The following GRIK2 variants were observed in gnomAD, a reference collection of about 807,000 sequenced individuals.
GRIK2 encodes glutamate ionotropic receptor kainate type subunit 2.
GRIK2 carries 32 observed loss-of-function variants against 100.3 expected under a neutral mutation model. The observed-to-expected ratio is 0.32, with a 90% CI of 0.24 to 0.43. The LOEUF (loss-of-function observed/expected upper bound fraction) is 0.43. Ranked by LOEUF, GRIK2 falls within the 20% of genes least tolerant of loss-of-function variation. The pLI, the probability that GRIK2 is intolerant of heterozygous loss-of-function variation, is 1.00. For synonymous variants in GRIK2, 417 were observed against 389.4 expected (o/e 1.07, Z -0.83); for missense variants, 843 against 1,114.9 (o/e 0.76, Z 3.47).
intron 9 of GRIK2, among the ~76,000 whole-genome samples, chr6:101,812,789 C>A (rs1008984339): frequency 5.3e-5 from 8 of 151,748 alleles, no homozygotes; most frequent in African/African-American, 1.9e-4. Flanking sequence ...ATTGTTTTAC[C>A]TATATTTTGA....
intron 3 of GRIK2, among the ~76,000 whole-genome samples, chr6:101,624,611 G>A (rs1474099364): frequency 1.3e-5 from 2 of 152,146 alleles, no homozygotes; most frequent in African/African-American, 4.8e-5. Flanking sequence ...CATTTTGGAG[G>A]AATTGAGTCT....
intron 4 of GRIK2, among the ~76,000 whole-genome samples, chr6:101,656,814 G>A (rs562901166): frequency 6.6e-6 from 1 of 152,154 alleles, no homozygotes; most frequent in Non-Finnish European, 1.5e-5. Context: ...TAAAAGCAGA[G>A]GCTTGCAGAG....
chr6:101,721,101 A>T (rs911593214), intron 7 of GRIK2, among the ~76,000 whole-genome samples: 2 of 152,000 alleles, frequency 1.3e-5, no homozygotes, highest in African/African-American at 2.4e-5. Flanking sequence ...ATTTTTAATA[A>T]TTTTTACAAT....
intron 7 of GRIK2, among the ~76,000 whole-genome samples, chr6:101,703,549 G>A (rs1265960067): frequency 6.6e-6 from 1 of 151,746 alleles, no homozygotes; most frequent in Non-Finnish European, 1.5e-5. Context: ...ACTGTATTGA[G>A]GGAATGTGAG....
rs1215302196 is a variant in GRIK2 at position 101,419,867 on chromosome 6, G to A, written c.115+20475G>A. ...CACTGTCAGAACCAAAGCAGGTGTT[G>A]CATGCTGTAACAAAAATGTTTTCCT... On this transcript the variant is annotated intron_variant, in intron 2 of 16. Coordinates refer to ENST00000369134, the MANE Select transcript of GRIK2 (RefSeq NM_021956.5). Among the ~76,000 whole-genome samples the A allele has an allele frequency of 5.9e-5, 9 of 152,146 alleles. No homozygotes were observed. The East Asian group carries it at 1.3e-3, about 23-fold the overall frequency.
intron 7 of GRIK2, among the ~76,000 whole-genome samples, chr6:101,787,923 AGTCT>A (rs1779544584): frequency 6.6e-6 from 1 of 152,066 alleles, no homozygotes; most frequent in Non-Finnish European, 1.5e-5. Flanking sequence ...TCTGTATTGT[AGTCT>A]GTCTGTCTCT....
intron 2 of GRIK2, among the ~76,000 whole-genome samples, chr6:101,433,220 A>T (rs1165769070): frequency 6.6e-6 from 1 of 152,216 alleles, no homozygotes; most frequent in East Asian, 1.9e-4. Context: ...AAAGTATCCA[A>T]TAAAGTGCTC....
At chr6:102,039,867 A>G (rs983747557) in intron 15 of GRIK2, among the ~76,000 whole-genome samples, 3 of 151,568 alleles carry the variant, frequency 2.0e-5, no homozygotes, top group Admixed American at 6.6e-5. Flanking sequence ...ATGTTTAGCA[A>G]TGAGTTAGTG....
At chr6:101,416,978 C>T (rs9498580) in intron 2 of GRIK2, among the ~76,000 whole-genome samples, 49,050 of 151,958 alleles carry the variant, frequency 0.32, 8,626 homozygotes, top group African/African-American at 0.46. Context: ...GGTGACTGTG[C>T]TAGTCTGTTC....
intron 7 of GRIK2, among the ~76,000 whole-genome samples, chr6:101,791,101 T>C (rs1166273965): frequency 1.3e-5 from 2 of 152,164 alleles, no homozygotes; most frequent in East Asian, 1.9e-4. Context: ...TCTCTCTTTT[T>C]TTCTTTATTA....
At chr6:101,595,700 GT>G (rs1778888438) in intron 2 of GRIK2, among the ~76,000 whole-genome samples, 1 of 48,812 alleles carries the variant, frequency 2.0e-5, no homozygotes, top group Admixed American at 2.3e-4. Context: ...ATATATATAT[GT>G]GTGTGTGTGT....
chr6:101,922,122 T>C (rs1305648706), intron 12 of GRIK2, among the ~76,000 whole-genome samples: 431 of 15,998 alleles, frequency 0.027, 17 homozygotes, highest in African/African-American at 0.094. Flanking sequence ...CTTCCTTCCT[T>C]CCTTCCTTCC....
chr6:101,660,775 A>C (rs569802905), intron 4 of GRIK2, among the ~76,000 whole-genome samples: 1 of 151,946 alleles, frequency 6.6e-6, no homozygotes, highest in African/African-American at 2.4e-5. Flanking sequence ...TCCACTCCAG[A>C]CCCTTTTTGC....
chr6:101,583,960 A>C (rs1778224095), intron 2 of GRIK2, among the ~76,000 whole-genome samples: 1 of 152,148 alleles, frequency 6.6e-6, no homozygotes, highest in African/African-American at 2.4e-5. Flanking sequence ...TATATGATAT[A>C]TATGTATATA....
intron 14 of GRIK2, among the ~76,000 whole-genome samples, chr6:101,953,266 A>G (rs1246933749): frequency 6.6e-6 from 1 of 150,848 alleles, no homozygotes; most frequent in Non-Finnish European, 1.5e-5. Flanking sequence ...GTATATTTTA[A>G]TTTTTCTTGG....
chr6:101,885,479 T>C (rs967214619), intron 11 of GRIK2, among the ~76,000 whole-genome samples: 1 of 152,122 alleles, frequency 6.6e-6, no homozygotes, highest in Non-Finnish European at 1.5e-5. Flanking sequence ...TTAGCTATTC[T>C]GGTTTTGTTT....
At chr6:101,720,978 A>G (rs963212927) in intron 7 of GRIK2, among the ~76,000 whole-genome samples, 4 of 152,004 alleles carry the variant, frequency 2.6e-5, no homozygotes, top group Non-Finnish European at 5.9e-5. Flanking sequence ...AAGTTTTGGG[A>G]GATTGATCAT....
chr6:101,980,953 T>C (rs1274938978), intron 14 of GRIK2, among the ~76,000 whole-genome samples: 1 of 151,338 alleles, frequency 6.6e-6, no homozygotes, highest in Non-Finnish European at 1.5e-5. Context: ...TCAACTATCT[T>C]TTCCTTTTTG....
intron 11 of GRIK2, among the ~76,000 whole-genome samples, chr6:101,873,997 C>T (rs888021852): frequency 1.4e-4 from 22 of 152,006 alleles, no homozygotes; most frequent in Non-Finnish European, 2.9e-4. Context: ...TGGATATTAG[C>T]CCTTTGTCAG....
Sources: gnomAD v4.1 joint callset for allele counts (sites outside exome capture counted in the v4.1 genomes callset) on GRCh38, gnomAD v4.1.1 for gene constraint, MANE v1.5 for transcripts, NCBI Gene and HGNC (gene_info 2026-07-23, HGNC 2026-07-21) for gene names.